Variants in DPP10 observed in about 807,000 individuals in gnomAD.
DPP10 encodes inactive dipeptidyl peptidase 10.
A neutral mutation model predicts 120.9 loss-of-function variants in DPP10; 33 were observed. The ratio of observed to expected loss-of-function variants is 0.27; its 90% CI spans 0.21 to 0.37. DPP10 has a LOEUF of 0.37. Among genes scored for constraint, DPP10 ranks in the 10% least tolerant of loss-of-function variants. DPP10 has a pLI of 1.00. For synonymous variants in DPP10, 337 were observed against 326.1 expected, an observed-to-expected ratio of 1.03 and a Z score of -0.36; for missense variants, 816 against 942.8, an observed-to-expected ratio of 0.87 and a Z score of 1.76.
intron 1 of DPP10, among the ~76,000 whole-genome samples, chr2:115,062,695 C>T (rs1285968996): frequency 2.0e-5 from 3 of 152,162 alleles, no homozygotes; most frequent in African/African-American, 4.8e-5. Context: ...CCAGCTCCAT[C>T]CATGTCCCTG....
intron 1 of DPP10, among the ~76,000 whole-genome samples, chr2:115,077,265 TGTTA>T (rs1707884302): frequency 6.6e-6 from 1 of 152,204 alleles, no homozygotes; most frequent in African/African-American, 2.4e-5. Flanking sequence ...ATTCATTATA[TGTTA>T]GTTAAATGTT....
intron 1 of DPP10, among the ~76,000 whole-genome samples, chr2:114,907,693 C>T (rs998091514): frequency 2.6e-5 from 4 of 151,974 alleles, no homozygotes; most frequent in Non-Finnish European, 5.9e-5. Context: ...TTTTTTCAGG[C>T]TTGTTTTATG....
At chr2:115,020,609 C>G (rs1485192781) in intron 1 of DPP10, among the ~76,000 whole-genome samples, 3 of 152,052 alleles carry the variant, frequency 2.0e-5, no homozygotes, top group African/African-American at 2.4e-5. Flanking sequence ...GTCATCAAGA[C>G]AGAAACTCAA....
At chr2:115,085,005 C>G (rs1486331273) in intron 1 of DPP10, among the ~76,000 whole-genome samples, 1 of 152,134 alleles carries the variant, frequency 6.6e-6, no homozygotes, top group African/African-American at 2.4e-5. Context: ...TTTGGTGCAA[C>G]ATTTAAGTCT....
intron 1 of DPP10, among the ~76,000 whole-genome samples, chr2:114,584,511 C>T (rs1196681425): frequency 6.6e-6 from 1 of 150,684 alleles, no homozygotes; most frequent in East Asian, 2.0e-4. Context: ...CGTCATTTAG[C>T]ATTAGGTATA....
At position 114,851,235 on chromosome 2, in the gene DPP10, C is replaced by T. The variant is rs578115307; in HGVS notation, c.60+408397C>T. ...TAACTTTTTGAAAATCAATGTTTAG[C>T]AAATTATTACCCTGATTCTCATTTA... On this transcript the variant is annotated intron_variant, in intron 1 of 25. Coordinates refer to ENST00000410059, the MANE Select transcript of DPP10 (RefSeq NM_020868.6). Among the ~76,000 whole-genome samples the T allele has an allele frequency of 3.0e-4, 45 of 152,228 alleles. 1 individual carries two copies. The highest frequency in any genetic ancestry group is 1.0e-3 in the African/African-American group (42 of 41,570).
chr2:114,451,691 C>A (rs1425807554), intron 1 of DPP10, among the ~76,000 whole-genome samples: 1 of 151,982 alleles, frequency 6.6e-6, no homozygotes, highest in Non-Finnish European at 1.5e-5. Flanking sequence ...TGGAGCTGGA[C>A]TTTGTGTTGT....
At chr2:115,056,681 G>A (rs1705944083) in intron 1 of DPP10, among the ~76,000 whole-genome samples, 1 of 152,112 alleles carries the variant, frequency 6.6e-6, no homozygotes, top group Non-Finnish European at 1.5e-5. Flanking sequence ...ATATCTAAGA[G>A]CAATGCCAAC....
intron 5 of DPP10, among the ~76,000 whole-genome samples, chr2:115,613,008 G>A (rs1275436219): frequency 6.6e-6 from 1 of 152,030 alleles, no homozygotes; most frequent in Non-Finnish European, 1.5e-5. Flanking sequence ...TCTTTTTAAT[G>A]TGTGTAGCCA....
chr2:114,487,762 A>G (rs1053845517), intron 1 of DPP10, among the ~76,000 whole-genome samples: 4 of 152,232 alleles, frequency 2.6e-5, no homozygotes, highest in Non-Finnish European at 4.4e-5. Flanking sequence ...TGATAAAAAC[A>G]TAAGTAAATC....
rs532878686 is a variant in DPP10 at position 114,999,823 on chromosome 2, C to A, written c.61-309416C>A. The stretch of plus-strand genomic sequence containing the variant: ...CTTGTTTTTTGGCTGTGTCTCCTAT[C>A]AACTTGATGTGGGGAAAAGCAAAGC... On this transcript the variant is annotated intron_variant, in intron 1 of 25. Transcript: ENST00000410059. Among the ~76,000 whole-genome samples, 10 of 152,214 alleles carry A rather than the reference C, an allele frequency of 6.6e-5. No individual in the cohort carries two copies. The South Asian group carries it at 2.1e-3, about 32-fold the overall frequency.
rs186643812 is a variant in DPP10, at chr2:115,504,003, A to G, written c.366+4399A>G. Among the ~76,000 whole-genome samples, 49 of 152,254 alleles carry G rather than the reference A, an allele frequency of 3.2e-4. No homozygotes were observed. The East Asian group carries it at 6.6e-3, about 20-fold the overall frequency. ...AAGGTAATTTTCTGAGGTGGGATCAAAGTAATGACTTTTAAATTGATAATT... is the reference window on the plus strand; with the variant it reads ...AAGGTAATTTTCTGAGGTGGGATCAGAGTAATGACTTTTAAATTGATAATT... On this transcript the variant is annotated intron_variant, in intron 4 of 25. Coordinates refer to ENST00000410059, the MANE Select transcript of DPP10 (RefSeq NM_020868.6).
rs78145959 is a variant in DPP10 at position 114,926,090 on chromosome 2, C to T, written c.61-383149C>T. On this transcript the variant is annotated intron_variant, in intron 1 of 25. Coordinates refer to ENST00000410059, the MANE Select transcript of DPP10 (RefSeq NM_020868.6). ...GATATACACAGACTGGAGAGAGGTCCAATTCAGCCTCTGGAGGCAGAAAGC... is the reference window on the plus strand; with the variant it reads ...GATATACACAGACTGGAGAGAGGTCTAATTCAGCCTCTGGAGGCAGAAAGC... 6.9e-3 allele frequency among the ~76,000 whole-genome samples: 1,053 copies of T among 152,256 alleles called. 30 individuals are homozygous for T. Among genetic ancestry groups the T allele is most frequent in the East Asian group, 0.052 (271 of 5,180 alleles).
At chr2:115,701,768 TAAAA>T (rs1195077319) in intron 7 of DPP10, among the ~76,000 whole-genome samples, 1 of 151,802 alleles carries the variant, frequency 6.6e-6, no homozygotes, top group Non-Finnish European at 1.5e-5. Context: ...TAAAACGTAA[TAAAA>T]AGAAAGCAAC....
intron 5 of DPP10, among the ~76,000 whole-genome samples, chr2:115,555,296 A>T (rs2080140564): frequency 6.6e-6 from 1 of 152,224 alleles, no homozygotes; most frequent in South Asian, 2.1e-4. Context: ...TGGCATGTGA[A>T]TTAAAGCATA....
intron 1 of DPP10, among the ~76,000 whole-genome samples, chr2:114,502,077 AG>A (rs1320520985): frequency 6.6e-6 from 1 of 151,744 alleles, no homozygotes; most frequent in Admixed American, 6.6e-5. Context: ...CTGGGATTAC[AG>A]GCACGCACCA....
chr2:115,717,436 G>A (rs1490429995), intron 7 of DPP10, among the ~76,000 whole-genome samples: 1 of 152,118 alleles, frequency 6.6e-6, no homozygotes. Context: ...GAGCCAGGCT[G>A]CCTGTATTTG....
chr2:115,793,330 T>C (rs977327301), intron 19 of DPP10, among the ~76,000 whole-genome samples: 2 of 152,114 alleles, frequency 1.3e-5, no homozygotes, highest in Admixed American at 6.6e-5. Flanking sequence ...CATGGGATAA[T>C]ATTTCTATTT....
At chr2:115,598,196 T>A (rs566794570) in intron 5 of DPP10, among the ~76,000 whole-genome samples, 8 of 152,072 alleles carry the variant, frequency 5.3e-5, no homozygotes, top group East Asian at 3.9e-4. Context: ...GCCTTTTTTT[T>A]AATATTTGAA....
Sources: gnomAD v4.1 joint callset for allele counts (sites outside exome capture counted in the v4.1 genomes callset) on GRCh38, gnomAD v4.1.1 for gene constraint, MANE v1.5 for transcripts, NCBI Gene and HGNC (gene_info 2026-07-23, HGNC 2026-07-21) for gene names.